Variants in FAM81B observed in about 807,000 individuals in gnomAD.
FAM81B encodes the protein family with sequence similarity 81 member B, also known as protein FAM81B.
In FAM81B, 60 loss-of-function variants were observed where a neutral mutation model predicts 58.7. That is an observed-to-expected ratio of 1.02 (90% CI 0.83 to 1.27). The LOEUF is 1.27. Among genes scored for constraint, FAM81B ranks in the 50% most tolerant of loss-of-function variants. The pLI is 0.00. For synonymous variants in FAM81B, 189 were observed against 179.6 expected, an observed-to-expected ratio of 1.05 and a Z score of -0.42; for missense variants, 491 against 522.0, an observed-to-expected ratio of 0.94 and a Z score of 0.58.
intron 5 of FAM81B, among the ~76,000 whole-genome samples, chr5:95,426,094 G>GTGTATATATATATATATATATATA (rs1491455240): frequency 8.3e-6 from 1 of 120,180 alleles, no homozygotes; most frequent in African/African-American, 3.3e-5. Flanking sequence ...ATCTCTGTGT[G>GTGTATATATATATATATATATATA]TATATATATA....
intron 3 of FAM81B, among the ~76,000 whole-genome samples, chr5:95,408,493 T>C (rs748975027): frequency 6.6e-6 from 1 of 152,312 alleles, no homozygotes; most frequent in Non-Finnish European, 1.5e-5. Flanking sequence ...CAACTTGGTT[T>C]GTTAGAATAG....
chr5:95,411,740 G>A (rs1762410642), intron 3 of FAM81B, among the ~76,000 whole-genome samples: 1 of 152,134 alleles, frequency 6.6e-6, no homozygotes, highest in South Asian at 2.1e-4. Flanking sequence ...TTTCACAAAT[G>A]CAGTTGTACA....
chr5:95,418,317 C>T (rs188474924), intron 4 of FAM81B, among the ~76,000 whole-genome samples: 1 of 152,188 alleles, frequency 6.6e-6, no homozygotes, highest in African/African-American at 2.4e-5. Context: ...AGTAGTGATG[C>T]TGGCAATTCC....
In FAM81B at chr5:95,420,325, A is replaced by G; in HGVS notation, c.579A>G (p.Thr193=). The G allele has an allele frequency of 6.2e-7, 1 of 1,613,844 alleles. No individual in the cohort carries two copies. The highest frequency in any genetic ancestry group is 2.2e-5 in the East Asian group (1 of 44,872). Residue 193 remains threonine, a synonymous_variant, in exon 5 of 10, where the codon ACA becomes ACG. Transcript: ENST00000283357. ...TAAGAGCTCGAGATCAGGCGGCCAC[A>G]GGAACTAACTTTGCAGTACACGAGA... ...DQIRARDQAA[T]GTNFAVHEIN... is the part of the protein sequence containing the mutation.
chr5:95,447,550 A>C (rs1745626804), intron 8 of FAM81B, among the ~76,000 whole-genome samples: 1 of 152,164 alleles, frequency 6.6e-6, no homozygotes. Context: ...ACGCAGCACT[A>C]GGTAACCGTG....
At chr5:95,392,086 A>G (rs1761836696) in intron 1 of FAM81B, among the ~76,000 whole-genome samples, 1 of 152,214 alleles carries the variant, frequency 6.6e-6, no homozygotes, top group African/African-American at 2.4e-5. Context: ...ACAATAGCAA[A>G]GACTTGGAAC....
chr5:95,424,282 A>G, intron 5 of FAM81B: 2 of 1,210,686 alleles, frequency 1.7e-6, no homozygotes, highest in South Asian at 2.5e-5. Flanking sequence ...TAGACAGAAG[A>G]CAGACAGATA....
chr5:95,438,000 A>G (rs541619693), intron 7 of FAM81B, among the ~76,000 whole-genome samples: 2 of 152,288 alleles, frequency 1.3e-5, no homozygotes, highest in South Asian at 4.1e-4. Flanking sequence ...GTGCCATTGA[A>G]TATAACATGC....
chr5:95,435,152 A>G (rs1296216932), intron 6 of FAM81B, among the ~76,000 whole-genome samples: 1 of 152,182 alleles, frequency 6.6e-6, no homozygotes, highest in Non-Finnish European at 1.5e-5. Flanking sequence ...CATGGTCTGG[A>G]CACTCGTGAT....
At chr5:95,404,794 T>C (rs1407829054) in intron 3 of FAM81B, among the ~76,000 whole-genome samples, 1 of 152,172 alleles carries the variant, frequency 6.6e-6, no homozygotes, top group Non-Finnish European at 1.5e-5. Flanking sequence ...CTCATTCTAG[T>C]GATGGAGGAT....
chr5:95,429,635 T>G (rs1744792421), intron 6 of FAM81B, among the ~76,000 whole-genome samples: 1 of 152,272 alleles, frequency 6.6e-6, no homozygotes, highest in African/African-American at 2.4e-5. Context: ...TAAACTCTCT[T>G]TGTTTTTCAA....
rs1053780937 is a variant in FAM81B at position 95,428,591 on chromosome 5, T to C, written c.657-12T>C. 1 of 1,613,670 alleles carries C rather than the reference T, an allele frequency of 6.2e-7. No individual in the cohort carries two copies. Among genetic ancestry groups the C allele is most frequent in the Non-Finnish European group, 8.5e-7 (1 of 1,179,610 alleles). On this transcript the variant is annotated splice_polypyrimidine_tract_variant and intron_variant, in intron 5 of 9. Coordinates refer to ENST00000283357, the MANE Select transcript of FAM81B (RefSeq NM_152548.3). Reference sequence around the variant, plus strand: ...AGGTATTGATCCACACCAATTTCCATCTTGCCATTAGATGTGATTCAAGCA... The same window carrying C: ...AGGTATTGATCCACACCAATTTCCACCTTGCCATTAGATGTGATTCAAGCA...
intron 7 of FAM81B, chr5:95,440,581 T>C: frequency 3.3e-6 from 2 of 601,208 alleles, no homozygotes; most frequent in East Asian, 4.0e-5. Flanking sequence ...TTACTGCATA[T>C]AGAAGAGCTC....
At chr5:95,411,941 A>G (rs1762415931) in intron 3 of FAM81B, among the ~76,000 whole-genome samples, 1 of 152,228 alleles carries the variant, frequency 6.6e-6, no homozygotes, top group Non-Finnish European at 1.5e-5. Context: ...TGTGAAGATG[A>G]AATACACAGC....
chr5:95,399,524 G>T (rs1333150409), intron 3 of FAM81B, among the ~76,000 whole-genome samples: 1 of 151,442 alleles, frequency 6.6e-6, no homozygotes, highest in Non-Finnish European at 1.5e-5. Flanking sequence ...TGCTGAGAGT[G>T]GGCACAGTCA....
At chr5:95,429,902 A>G (rs1744801944) in intron 6 of FAM81B, among the ~76,000 whole-genome samples, 1 of 152,186 alleles carries the variant, frequency 6.6e-6, no homozygotes. Flanking sequence ...AGGATGGAAT[A>G]TCTACTTTAA....
intron 3 of FAM81B, among the ~76,000 whole-genome samples, chr5:95,412,243 A>T (rs1209531245): frequency 6.6e-6 from 1 of 152,120 alleles, no homozygotes; most frequent in African/African-American, 2.4e-5. Context: ...ATGATTCGAC[A>T]TACACCAACA....
chr5:95,403,478 T>C (rs1411325998), intron 3 of FAM81B, among the ~76,000 whole-genome samples: 1 of 152,188 alleles, frequency 6.6e-6, no homozygotes, highest in African/African-American at 2.4e-5. Flanking sequence ...AGTGACTAGA[T>C]ACAGACACAA....
intron 2 of FAM81B, among the ~76,000 whole-genome samples, chr5:95,395,399 C>T (rs1033570005): frequency 2.1e-5 from 3 of 144,048 alleles, no homozygotes; most frequent in African/African-American, 5.2e-5. Context: ...GTGGAGATTG[C>T]GCCACTGCAC....
Sources: gnomAD v4.1 joint callset for allele counts (sites outside exome capture counted in the v4.1 genomes callset) on GRCh38, gnomAD v4.1.1 for gene constraint, MANE v1.5 for transcripts, NCBI Gene and HGNC (gene_info 2026-07-23, HGNC 2026-07-21) for gene names.